Variants in THSD7B observed in about 807,000 individuals in gnomAD.
THSD7B encodes thrombospondin type 1 domain containing 7B, also known as thrombospondin type-1 domain-containing protein 7B.
Under a neutral mutation model 213.6 loss-of-function variants are expected in THSD7B, and 138 were observed. The observed-to-expected ratio is 0.65, with a 90% confidence interval of 0.56 to 0.74. The LOEUF is 0.74. Among genes scored for constraint, THSD7B ranks in the 30% least tolerant of loss-of-function variants. The pLI is 0.00. For synonymous variants in THSD7B, 742 were observed against 687.0 expected (o/e 1.08, Z -1.25); for missense variants, 1,931 against 1,991.5 (o/e 0.97, Z 0.58).
chr2:136,818,648 G>GT (rs1406175007), intron 1 of THSD7B, among the ~76,000 whole-genome samples: 1 of 152,122 alleles, frequency 6.6e-6, no homozygotes, highest in African/African-American at 2.4e-5. Flanking sequence ...ATTGACTATA[G>GT]TCCCTTGCTT....
chr2:136,823,023 GT>G (rs1421659073), intron 1 of THSD7B, among the ~76,000 whole-genome samples: 2 of 152,318 alleles, frequency 1.3e-5, no homozygotes, highest in East Asian at 1.9e-4. Context: ...ATAAGCACCT[GT>G]TTTATACTTC....
intron 12 of THSD7B, among the ~76,000 whole-genome samples, chr2:137,332,634 T>C (rs1033224436): frequency 6.6e-6 from 1 of 152,178 alleles, no homozygotes; most frequent in African/African-American, 2.4e-5. Context: ...GTTTTGGCTG[T>C]GTTTCCACTC....
chr2:137,427,267 T>A (rs981753465), intron 14 of THSD7B, among the ~76,000 whole-genome samples: 1 of 152,082 alleles, frequency 6.6e-6, no homozygotes, highest in African/African-American at 2.4e-5. Context: ...AACTAATATA[T>A]GATTCAGCAG....
At chr2:137,342,332 T>C (rs1684780330) in intron 12 of THSD7B, among the ~76,000 whole-genome samples, 1 of 151,546 alleles carries the variant, frequency 6.6e-6, no homozygotes, top group Admixed American at 6.6e-5. Context: ...GAAACACTAC[T>C]GACTTTTTGT....
intron 2 of THSD7B, among the ~76,000 whole-genome samples, chr2:136,962,628 A>G (rs917692151): frequency 6.6e-6 from 1 of 151,976 alleles, no homozygotes; most frequent in Non-Finnish European, 1.5e-5. Context: ...GGGCAGGTGG[A>G]TGAGAAGAAA....
intron 14 of THSD7B, among the ~76,000 whole-genome samples, chr2:137,413,070 T>G (rs2105015180): frequency 6.6e-6 from 1 of 152,280 alleles, no homozygotes; most frequent in South Asian, 2.1e-4. Context: ...TTATTGCCAG[T>G]GTACTAGCTA....
chr2:137,046,777 C>T (rs942320252), intron 2 of THSD7B, among the ~76,000 whole-genome samples: 10 of 148,386 alleles, frequency 6.7e-5, no homozygotes, highest in East Asian at 2.1e-4. Flanking sequence ...TCCATATGGC[C>T]GCCCAGGTAT....
chr2:136,921,803 A>C (rs1053357000), intron 2 of THSD7B, among the ~76,000 whole-genome samples: 1 of 152,316 alleles, frequency 6.6e-6, no homozygotes, highest in Non-Finnish European at 1.5e-5. Flanking sequence ...AAGAACAATC[A>C]GGCCAAATTC....
chr2:137,636,221 C>T (rs1295881792), intron 20 of THSD7B, among the ~76,000 whole-genome samples: 1 of 152,158 alleles, frequency 6.6e-6, no homozygotes, highest in Non-Finnish European at 1.5e-5. Context: ...CATGTTCTAT[C>T]ATTGCAAATC....
intron 25 of THSD7B, among the ~76,000 whole-genome samples, chr2:137,662,064 T>TTA (rs1558875406): frequency 1.7e-5 from 2 of 115,660 alleles, no homozygotes; most frequent in African/African-American, 6.1e-5. Flanking sequence ...TCTTTTTTCT[T>TTA]TTTTTTTTTT....
chr2:137,444,933 T>C (rs1319633961), intron 14 of THSD7B, among the ~76,000 whole-genome samples: 1 of 151,816 alleles, frequency 6.6e-6, no homozygotes, highest in Non-Finnish European at 1.5e-5. Flanking sequence ...ATAATCCAGT[T>C]GAAAAATAGG....
At chr2:137,301,553 G>T (rs574490036) in intron 12 of THSD7B, among the ~76,000 whole-genome samples, 8 of 152,052 alleles carry the variant, frequency 5.3e-5, no homozygotes, top group Non-Finnish European at 8.8e-5. Flanking sequence ...CAGGAATGAG[G>T]TGAAGAGAAT....
intron 12 of THSD7B, among the ~76,000 whole-genome samples, chr2:137,277,899 C>A (rs1043383824): frequency 6.6e-6 from 1 of 152,030 alleles, no homozygotes; most frequent in East Asian, 1.9e-4. Context: ...GAAAGTTCCT[C>A]CTTGTTCAAG....
chr2:137,632,778 G>A (rs377480242), intron 20 of THSD7B, among the ~76,000 whole-genome samples: 2 of 152,220 alleles, frequency 1.3e-5, no homozygotes, highest in South Asian at 2.1e-4. Context: ...TTGACATCAC[G>A]GCCTTGACTT....
intron 14 of THSD7B, among the ~76,000 whole-genome samples, chr2:137,448,545 C>T (rs1687585528): frequency 6.6e-6 from 1 of 151,836 alleles, no homozygotes; most frequent in Non-Finnish European, 1.5e-5. Flanking sequence ...CGCAGTGGCT[C>T]ACGCCTGTAA....
At chr2:137,097,923 G>A (rs1688069910) in intron 4 of THSD7B, among the ~76,000 whole-genome samples, 1 of 151,994 alleles carries the variant, frequency 6.6e-6, no homozygotes, top group African/African-American at 2.4e-5. Context: ...TTGGTTGTGG[G>A]AAGGAGAATA....
At chr2:137,159,533 A>G (rs13413874) in intron 5 of THSD7B, among the ~76,000 whole-genome samples, 60,802 of 151,966 alleles carry the variant, frequency 0.4, 13,727 homozygotes, top group Non-Finnish European at 0.5. Context: ...TGTTGTTGGA[A>G]ACATGGTTGC....
At chr2:136,899,859 C>A (rs1056729400) in intron 2 of THSD7B, among the ~76,000 whole-genome samples, 5 of 152,140 alleles carry the variant, frequency 3.3e-5, no homozygotes, top group Non-Finnish European at 7.4e-5. Context: ...TGCTAATATG[C>A]CAGTGGATGC....
intron 12 of THSD7B, among the ~76,000 whole-genome samples, chr2:137,402,238 G>C (rs1686384592): frequency 6.6e-6 from 1 of 152,116 alleles, no homozygotes; most frequent in Non-Finnish European, 1.5e-5. Context: ...AGTTCAGATA[G>C]CTCCTTGTTT....
Sources: allele counts gnomAD v4.1 joint callset (sites outside exome capture counted in the v4.1 genomes callset), GRCh38; gene constraint gnomAD v4.1.1; transcripts MANE v1.5; gene names NCBI Gene and HGNC (gene_info 2026-07-23, HGNC 2026-07-21).